CEP57L1: variants seen among roughly 807,000 people sequenced by gnomAD.
CEP57L1 encodes centrosomal protein 57 like 1.
Under a neutral mutation model 61.0 loss-of-function variants are expected in CEP57L1, and 37 were observed. That is an observed-to-expected ratio of 0.61 (90% CI 0.47 to 0.80). The LOEUF (loss-of-function observed/expected upper bound fraction) is 0.80, where lower values mean the gene tolerates loss of function less well. Among genes scored for constraint, CEP57L1 ranks in the 30% least tolerant of loss-of-function variants. The pLI, the probability that CEP57L1 is intolerant of heterozygous loss-of-function variation, is 0.00. For missense variants in CEP57L1, 422 were observed against 524.7 expected (o/e 0.80, Z 1.91); for synonymous variants, 137 against 162.3 (o/e 0.84, Z 1.19).
chr6:109,112,546 T>G (rs1771786335), intron 1 of CEP57L1, among the ~76,000 whole-genome samples: 1 of 152,284 alleles, frequency 6.6e-6, no homozygotes, highest in Non-Finnish European at 1.5e-5. Context: ...TTTCTTGTCT[T>G]CTGCTAGCTT....
At chr6:109,117,785 G>T (rs1367553251) in intron 1 of CEP57L1, among the ~76,000 whole-genome samples, 1 of 152,118 alleles carries the variant, frequency 6.6e-6, no homozygotes, top group Non-Finnish European at 1.5e-5. Flanking sequence ...ACAGTCACAG[G>T]CAACGTCTAT....
At chr6:109,154,561 C>T (rs1169467642) in intron 5 of CEP57L1, among the ~76,000 whole-genome samples, 1 of 151,948 alleles carries the variant, frequency 6.6e-6, no homozygotes, top group Non-Finnish European at 1.5e-5. Flanking sequence ...TGTCCTTAAT[C>T]CAAAAATCCA....
At chr6:109,149,512 G>T (rs1182290554) in intron 3 of CEP57L1, among the ~76,000 whole-genome samples, 3 of 152,064 alleles carry the variant, frequency 2.0e-5, no homozygotes, top group African/African-American at 7.2e-5. Context: ...TGCTGTTTTG[G>T]TTACTGTAGC....
chr6:109,105,348 G>A (rs1770800772), intron 1 of CEP57L1, among the ~76,000 whole-genome samples: 1 of 152,028 alleles, frequency 6.6e-6, no homozygotes, highest in Non-Finnish European at 1.5e-5. Flanking sequence ...ATTTATTTTT[G>A]TGTTTGGCAT....
At chr6:109,134,702 A>G (rs1476286037) in intron 1 of CEP57L1, among the ~76,000 whole-genome samples, 3 of 152,234 alleles carry the variant, frequency 2.0e-5, no homozygotes, top group Non-Finnish European at 4.4e-5. Context: ...GCTGATAAGC[A>G]ACTTCAGCAA....
Position 109,163,201 on chromosome 6 carries a change from T to TCTTAGAA in CEP57L1, c.*232_*238dup. 1 of 372,310 alleles carries TCTTAGAA rather than the reference T, an allele frequency of 2.7e-6. No individual in the cohort carries two copies. The highest frequency in any genetic ancestry group is 4.8e-6 in the Non-Finnish European group (1 of 206,588). The allele number at this position is 372,310 out of a possible 1,614,324, so 23.1% of individuals were successfully genotyped here. The stretch of plus-strand genomic sequence containing the variant: ...GATTGAAGCCCGTAACCTCATCTTG[T>TCTTAGAA]CTTAGAAACATTGTTGGCTTTGCAG... On this transcript the variant is annotated 3_prime_UTR_variant, in exon 11 of 11. Coordinates refer to ENST00000517392, the MANE Select transcript of CEP57L1 (RefSeq NM_001271852.3).
intron 1 of CEP57L1, among the ~76,000 whole-genome samples, chr6:109,127,908 A>G (rs1351247706): frequency 1.3e-5 from 2 of 151,966 alleles, no homozygotes; most frequent in Admixed American, 6.6e-5. Flanking sequence ...GATTACAGAC[A>G]TGAGCCACTG....
At chr6:109,118,445 T>G (rs184820907) in intron 1 of CEP57L1, among the ~76,000 whole-genome samples, 4 of 152,302 alleles carry the variant, frequency 2.6e-5, no homozygotes, top group African/African-American at 9.6e-5. Context: ...GTTAATACCT[T>G]AACAGCTGTG....
Position 109,171,534 on chromosome 6 carries a change from C to T in CEP57L1, c.*8564C>T, listed in dbSNP as rs1006253672. Among the ~76,000 whole-genome samples, 10 of 151,972 alleles carry T rather than the reference C, an allele frequency of 6.6e-5. No individual in the cohort carries two copies. The highest frequency in any genetic ancestry group is 1.2e-4 in the African/African-American group (5 of 41,378). On this transcript the variant is annotated 3_prime_UTR_variant, in exon 11 of 11. Transcript: ENST00000517392. ...TGCTGGGATTACAGGTGTGAGCCAC[C>T]GCGCCCTGCCTAGAGTTTGATTCTC...
At position 109,153,879 on chromosome 6, in the gene CEP57L1, C is replaced by G; in HGVS notation, c.509C>G (p.Ala170Gly). Residue 170 changes from alanine to glycine, a missense_variant, in exon 5 of 11, where the codon GCA (alanine) becomes GGA (glycine). Transcript: ENST00000517392. The stretch of plus-strand genomic sequence containing the variant: ...GAACAAGATCAGATGAAGCTGTATG[C>G]AAAACTTGAAAAGCTTGATGTCTTA... ...EKEQDQMKLYAKLEKLDVLEK... is the reference protein window; with the variant it reads ...EKEQDQMKLYGKLEKLDVLEK... 6.2e-7 allele frequency: 1 copy of G among 1,612,388 alleles called. No homozygotes were observed. Among genetic ancestry groups the G allele is most frequent in the Non-Finnish European group, 8.5e-7 (1 of 1,179,280 alleles).
Position 109,173,381 on chromosome 6 carries a change from G to C in CEP57L1, c.*10411G>C, listed in dbSNP as rs1202811866. ...TTGAGAGTTTGAGATAAAGAAGAAA[G>C]GAATCTTTCCTTTCCTTCCCCCTCA... On this transcript the variant is annotated 3_prime_UTR_variant, in exon 11 of 11. Coordinates refer to ENST00000517392, the MANE Select transcript of CEP57L1 (RefSeq NM_001271852.3). Among the ~76,000 whole-genome samples the C allele has an allele frequency of 6.6e-6, 1 of 150,702 alleles. No homozygotes were observed. Among genetic ancestry groups the C allele is most frequent in the East Asian group, 1.9e-4 (1 of 5,130 alleles).
rs765795697 is a variant in CEP57L1, at chr6:109,145,243, A to G, written c.22A>G (p.Ser8Gly). 1.3e-6 allele frequency: 2 copies of G among 1,584,404 alleles called. No individual in the cohort carries two copies. Among genetic ancestry groups the G allele is most frequent in the East Asian group, 2.2e-5 (1 of 44,624 alleles). Residue 8 changes from serine to glycine, a missense_variant, in exon 2 of 11, where the codon AGT becomes GGT. Coordinates refer to ENST00000517392, the MANE Select transcript of CEP57L1 (RefSeq NM_001271852.3). MDSELMHSIVGSYHKPPE... is the reference protein window; with the variant it reads MDSELMHGIVGSYHKPPE... Reference sequence around the variant, plus strand: ...GATAATGGATTCTGAATTAATGCATAGTATAGTAGGAAGCTATCATAAACC... The same window carrying G: ...GATAATGGATTCTGAATTAATGCATGGTATAGTAGGAAGCTATCATAAACC...
At position 109,121,718 on chromosome 6, in the gene CEP57L1, T is replaced by C. The variant is rs1441960767; in HGVS notation, c.-3-23501T>C. 3.9e-5 allele frequency among the ~76,000 whole-genome samples: 6 copies of C among 152,168 alleles called. No individual in the cohort carries two copies. The East Asian group carries it at 1.2e-3, about 29-fold the overall frequency. The stretch of plus-strand genomic sequence containing the variant: ...TTACATAGACTCTAGGGTACAGGTA[T>C]TAGTGGTCTGATCTCACTCTTTGGG... On this transcript the variant is annotated intron_variant, in intron 1 of 10. Coordinates refer to ENST00000517392, the MANE Select transcript of CEP57L1 (RefSeq NM_001271852.3).
chr6:109,153,840 T>C lies in CEP57L1; in HGVS notation c.470T>C (p.Leu157Pro), dbSNP rs1429972172. 6.2e-7 allele frequency: 1 copy of C among 1,607,296 alleles called. No individual in the cohort carries two copies. The highest frequency in any genetic ancestry group is 2.2e-5 in the East Asian group (1 of 44,706). The change falls in exon 5 of 11, where the codon CTT (leucine) becomes CCT (proline). Residue 157 changes from leucine to proline, a missense_variant. Leu to Pro is a moderately conservative substitution (Grantham distance 98, BLOSUM62 -3). Coordinates refer to ENST00000517392, the MANE Select transcript of CEP57L1 (RefSeq NM_001271852.3). Reference protein sequence around the residue: ...KNMILEQQAQLQREKEQDQMK... With the variant: ...KNMILEQQAQPQREKEQDQMK... ...TATTTTTATCCTTTCTAGGCCCAGCTTCAGAGGGAAAAAGAACAAGATCAG... is the reference window on the plus strand; with the variant it reads ...TATTTTTATCCTTTCTAGGCCCAGCCTCAGAGGGAAAAAGAACAAGATCAG...
chr6:109,146,573 TAG>T (rs1771981882), intron 2 of CEP57L1, among the ~76,000 whole-genome samples, 183 bp from the exon 3 acceptor site: 2 of 152,018 alleles, frequency 1.3e-5, no homozygotes, highest in East Asian at 3.8e-4. Context: ...CAAGATATAT[TAG>T]AGAGAAAATG....
intron 3 of CEP57L1, among the ~76,000 whole-genome samples, chr6:109,148,478 A>C (rs1287854881): frequency 2.6e-5 from 4 of 152,136 alleles, no homozygotes; most frequent in African/African-American, 4.8e-5. Context: ...ATAGTATTCC[A>C]TGGTGTATAT....
chr6:109,167,629 A>AT lies in CEP57L1; in HGVS notation c.*4661dup, dbSNP rs1774192321. Among the ~76,000 whole-genome samples, 1 of 151,506 alleles carries AT rather than the reference A, an allele frequency of 6.6e-6. No individual in the cohort carries two copies. Among genetic ancestry groups the AT allele is most frequent in the Non-Finnish European group, 1.5e-5 (1 of 67,966 alleles). ...GAGGCAGAGGTTGCGGTGAGCCGAG[A>AT]TTGTGCCACTGCACTCCAGCCTGGG... On this transcript the variant is annotated 3_prime_UTR_variant, in exon 11 of 11. Coordinates refer to ENST00000517392, the MANE Select transcript of CEP57L1 (RefSeq NM_001271852.3).
At chr6:109,128,455 G>A (rs73762648) in intron 1 of CEP57L1, among the ~76,000 whole-genome samples, 9,051 of 151,790 alleles carry the variant, frequency 0.06, 902 homozygotes, top group African/African-American at 0.2. Context: ...TATATTTTTC[G>A]TGTTTGAATT....
chr6:109,162,735 T>C lies in CEP57L1; in HGVS notation c.1162-14T>C. ...TATTTTTGACTAAAATGTTAGATTT[T>C]TTTTTCTCTCCAGGTCTGTAAACTG... On this transcript the variant is annotated splice_polypyrimidine_tract_variant and intron_variant, in intron 10 of 10. Coordinates refer to ENST00000517392, the MANE Select transcript of CEP57L1 (RefSeq NM_001271852.3). 6.4e-7 allele frequency: 1 copy of C among 1,552,724 alleles called. No homozygotes were observed. The highest frequency in any genetic ancestry group is 8.8e-7 in the Non-Finnish European group (1 of 1,141,150).
Sources: allele counts gnomAD v4.1 joint callset (sites outside exome capture counted in the v4.1 genomes callset), GRCh38; gene constraint gnomAD v4.1.1; transcripts MANE v1.5; gene names NCBI Gene and HGNC (gene_info 2026-07-23, HGNC 2026-07-21).